PLCE1: variants seen among roughly 807,000 people sequenced by gnomAD.
PLCE1 encodes the protein 1-phosphatidylinositol 4,5-bisphosphate phosphodiesterase epsilon-1.
Under a neutral mutation model 242.8 loss-of-function variants are expected in PLCE1, and 119 were observed. That is an observed-to-expected ratio of 0.49 (90% CI 0.42 to 0.57). PLCE1 has a LOEUF of 0.57. PLCE1 is among the 20% of genes least tolerant of loss of function. The pLI is 0.00. For missense variants in PLCE1, 2,441 were observed against 2,788.8 expected, an observed-to-expected ratio of 0.88 and a Z score of 2.81; for synonymous variants, 945 against 1,017.4, an observed-to-expected ratio of 0.93 and a Z score of 1.35.
chr10:94,223,815 A>G (rs953509412), intron 4 of PLCE1, among the ~76,000 whole-genome samples: 3 of 152,136 alleles, frequency 2.0e-5, no homozygotes, highest in East Asian at 3.8e-4. Context: ...TGCCTAAACC[A>G]TAGTACTTTA....
At chr10:94,016,678 G>C (rs1323070273) in intron 1 of PLCE1, among the ~76,000 whole-genome samples, 6 of 152,162 alleles carry the variant, frequency 3.9e-5, no homozygotes, top group African/African-American at 1.2e-4. Context: ...TGGGGAAAAA[G>C]CTGGGAGGAA....
At chr10:94,190,154 C>A (rs1282961755) in intron 4 of PLCE1, among the ~76,000 whole-genome samples, 2 of 152,142 alleles carry the variant, frequency 1.3e-5, no homozygotes, top group Non-Finnish European at 2.9e-5. Context: ...GTAGTGCCCC[C>A]CTGTGATCCC....
intron 27 of PLCE1, among the ~76,000 whole-genome samples, chr10:94,310,953 G>A (rs2053368399): frequency 6.6e-6 from 1 of 152,128 alleles, no homozygotes; most frequent in Non-Finnish European, 1.5e-5. Context: ...AAATTCAGGG[G>A]ATCCATATAA....
Position 94,328,017 on chromosome 10 carries a change from A to G in PLCE1, c.*74A>G, listed in dbSNP as rs1376726345. 1 of 530,070 alleles carries G rather than the reference A, an allele frequency of 1.9e-6. No homozygotes were observed. The highest frequency in any genetic ancestry group is 3.9e-6 in the Non-Finnish European group (1 of 258,372). 32.8% of individuals were successfully genotyped at this position (530,070 alleles called of 1,614,324 possible). ...AAAGAGTGAACATGGTGGAAAAAAT[A>G]TAATTATTTTCATCAGACTTAAACT... On this transcript the variant is annotated 3_prime_UTR_variant, in exon 33 of 33. Transcript: ENST00000371380.
chr10:94,036,668 T>G (rs1251604960), intron 2 of PLCE1, among the ~76,000 whole-genome samples: 2 of 152,144 alleles, frequency 1.3e-5, no homozygotes, highest in Admixed American at 1.3e-4. Context: ...TTTTGATGGG[T>G]GGCTAAAGTC....
In PLCE1 at chr10:94,237,704, T is replaced by G. The variant is rs550592548; in HGVS notation, c.2420+1584T>G. Among the ~76,000 whole-genome samples, 4 of 152,324 alleles carry G rather than the reference T, an allele frequency of 2.6e-5. No homozygotes were observed. The South Asian group carries it at 8.3e-4, about 32-fold the overall frequency. Reference sequence around the variant, plus strand: ...AGTGACTGCTACTCTGAAAGGAACCTCAACACACAAGTTAGGTTGGTGGGG... The same window carrying G: ...AGTGACTGCTACTCTGAAAGGAACCGCAACACACAAGTTAGGTTGGTGGGG... On this transcript the variant is annotated intron_variant, in intron 7 of 32. Coordinates refer to ENST00000371380, the MANE Select transcript of PLCE1 (RefSeq NM_016341.4).
intron 1 of PLCE1, among the ~76,000 whole-genome samples, chr10:94,006,209 A>C (rs990954862): frequency 2.0e-5 from 3 of 152,246 alleles, no homozygotes; most frequent in African/African-American, 7.2e-5. Flanking sequence ...TAGTCATAGC[A>C]CTTACTTCAT....
chr10:94,287,646 A>AT (rs894311048), intron 22 of PLCE1, among the ~76,000 whole-genome samples: 1 of 151,490 alleles, frequency 6.6e-6, no homozygotes, highest in African/African-American at 2.4e-5. Flanking sequence ...AAGTAGTTGA[A>AT]TTTTTTCGAC....
chr10:94,064,202 AT>A (rs2044138017), intron 2 of PLCE1, among the ~76,000 whole-genome samples: 1 of 152,178 alleles, frequency 6.6e-6, no homozygotes, highest in African/African-American at 2.4e-5. Context: ...AGTGATCACA[AT>A]GGTGAGTTTG....
intron 2 of PLCE1, among the ~76,000 whole-genome samples, chr10:94,060,281 C>T (rs140000188): frequency 6.6e-6 from 1 of 152,042 alleles, no homozygotes; most frequent in African/African-American, 2.4e-5. Context: ...TACATGGATA[C>T]TGTACTAAAG....
intron 4 of PLCE1, among the ~76,000 whole-genome samples, chr10:94,205,739 C>T (rs2049137864): frequency 6.6e-6 from 1 of 152,240 alleles, no homozygotes; most frequent in Non-Finnish European, 1.5e-5. Context: ...GTTCATCTGT[C>T]AACTAGAATT....
chr10:94,137,297 G>T (rs1443763686), intron 3 of PLCE1, among the ~76,000 whole-genome samples: 1 of 152,126 alleles, frequency 6.6e-6, no homozygotes, highest in Admixed American at 6.5e-5. Context: ...GCAGTCAAAA[G>T]AATTATTGAC....
In PLCE1 at chr10:94,235,949, T is replaced by C. The variant is rs1387431754; in HGVS notation, c.2249T>C (p.Leu750Ser). The change falls in exon 7 of 33, where the codon TTA becomes TCA. Residue 750 changes from leucine (L) to serine (S), a missense_variant. Around this residue, in one of 5 missense-constraint regions of PLCE1, gnomAD observed 733 missense variants for 754.2 expected, o/e 0.97. Coordinates refer to ENST00000371380, the MANE Select transcript of PLCE1 (RefSeq NM_016341.4). Reference sequence around the variant, plus strand: ...GATTACAGTGGACAAGATAATTTCTTACAACGAGTGGGACAAAATGGCTTA... The same window carrying C: ...GATTACAGTGGACAAGATAATTTCTCACAACGAGTGGGACAAAATGGCTTA... ...VADYSGQDNF[L>S]QRVGQNGLKN... 1.2e-6 allele frequency: 2 copies of C among 1,614,118 alleles called. No homozygotes were observed. Among genetic ancestry groups the C allele is most frequent in the African/African-American group, 1.3e-5 (1 of 75,046 alleles).
rs2051957738 is a variant in PLCE1, at chr10:94,276,462, TCTGA to T, written c.4665+2749_4665+2752del. On this transcript the variant is annotated intron_variant, in intron 19 of 32. Transcript: ENST00000371380. ...GAAAAACAGATTCTAAGGTCACAAA[TCTGA>T]CTGACTAAGTCAGAATTTCCAGAAG... 6.6e-5 allele frequency among the ~76,000 whole-genome samples: 10 copies of T among 152,316 alleles called. No homozygotes were observed. In the East Asian group the frequency reaches 1.3e-3, roughly 21 times the overall value.
At chr10:94,036,387 A>G (rs142372012) in intron 2 of PLCE1, among the ~76,000 whole-genome samples, 7 of 152,228 alleles carry the variant, frequency 4.6e-5, no homozygotes, top group Non-Finnish European at 8.8e-5. Context: ...ACACATTTAA[A>G]GAATGTGCTG....
chr10:94,141,487 G>A (rs1000083032), intron 3 of PLCE1, among the ~76,000 whole-genome samples: 2 of 151,258 alleles, frequency 1.3e-5, no homozygotes, highest in African/African-American at 4.9e-5. Flanking sequence ...AAGGAGAAGG[G>A]AAGGTGAAGG....
intron 2 of PLCE1, among the ~76,000 whole-genome samples, chr10:94,107,340 C>T (rs113127613): frequency 1.3e-5 from 2 of 152,180 alleles, no homozygotes; most frequent in Non-Finnish European, 2.9e-5. Flanking sequence ...TCATGCCACC[C>T]CCCTTGCTTG....
At chr10:94,239,932 C>T (rs1054877862) in intron 7 of PLCE1, among the ~76,000 whole-genome samples, 1 of 152,186 alleles carries the variant, frequency 6.6e-6, no homozygotes, top group Non-Finnish European at 1.5e-5. Context: ...CACACAACAT[C>T]CTTTATCTGC....
rs570045280 is a variant in PLCE1, at chr10:94,273,723, A to G, written c.4665+3A>G. The stretch of plus-strand genomic sequence containing the variant: ...CAGTGGATATCTTAAAGCAAAAGGT[A>G]CTCCCCTCTGTTAAACCAGTTATGA... On this transcript the variant is annotated splice_donor_region_variant and intron_variant, in intron 19 of 32. Transcript: ENST00000371380. 3.7e-6 allele frequency: 6 copies of G among 1,613,206 alleles called. No individual in the cohort carries two copies. Among genetic ancestry groups the G allele is most frequent in the African/African-American group, 2.7e-5 (2 of 75,000 alleles).
Sources: gnomAD v4.1 joint callset for allele counts (sites outside exome capture counted in the v4.1 genomes callset) on GRCh38, gnomAD v4.1.1 for gene constraint, gnomAD v4.1.1 regional missense constraint, MANE v1.5 for transcripts, NCBI Gene and HGNC (gene_info 2026-07-23, HGNC 2026-07-21) for gene names.